Variants in L3MBTL4 observed in about 807,000 individuals in gnomAD.
L3MBTL4 encodes lethal(3)malignant brain tumor-like protein 4.
In L3MBTL4, 70 loss-of-function variants were observed where a neutral mutation model predicts 84.5. The ratio of observed to expected loss-of-function variants is 0.83; its 90% CI spans 0.68 to 1.01. The LOEUF (loss-of-function observed/expected upper bound fraction) is 1.01, where lower values mean the gene tolerates loss of function less well. Ranked by LOEUF, L3MBTL4 falls within the 50% of genes least tolerant of loss-of-function variation. The pLI, the probability that L3MBTL4 is intolerant of heterozygous loss-of-function variation, is 0.00. For missense variants in L3MBTL4, 715 were observed against 754.8 expected (o/e 0.95, Z 0.62); for synonymous variants, 274 against 259.8 (o/e 1.05, Z -0.52).
chr18:6,138,975 A>T (rs1212021789), intron 13 of L3MBTL4, among the ~76,000 whole-genome samples: 2 of 152,190 alleles, frequency 1.3e-5, no homozygotes, highest in African/African-American at 4.8e-5. Flanking sequence ...CCACTCAACC[A>T]CAGCAAGGAT....
At chr18:6,085,700 GGCCTC>G (rs1056242651) in intron 15 of L3MBTL4, among the ~76,000 whole-genome samples, 3 of 152,308 alleles carry the variant, frequency 2.0e-5, no homozygotes, top group African/African-American at 7.2e-5. Flanking sequence ...AGTTTCCTGA[GGCCTC>G]TCCAGCCATG....
At chr18:6,073,034 T>C (rs1483330795) in intron 16 of L3MBTL4, among the ~76,000 whole-genome samples, 6 of 148,600 alleles carry the variant, frequency 4.0e-5, no homozygotes, top group African/African-American at 1.2e-4. Context: ...GGCAGAAATA[T>C]AATAGCAGAA....
In L3MBTL4 at chr18:6,016,486, T is replaced by C. The variant is rs141577637; in HGVS notation, c.1445-46924A>G. Among the ~76,000 whole-genome samples the C allele has an allele frequency of 2.0e-5, 3 of 152,252 alleles. No homozygotes were observed. In the South Asian group the frequency reaches 6.2e-4, roughly 32 times the overall value. On this transcript the variant is annotated intron_variant, in intron 16 of 18. Transcript: ENST00000317931. ...AGCTCAGTATCTCTAACTCAAATAT[T>C]CTTCATAGGAATGAAACTGCAAAGA...
intron 16 of L3MBTL4, among the ~76,000 whole-genome samples, chr18:6,006,033 C>G (rs1470107759): frequency 6.6e-6 from 1 of 150,950 alleles, no homozygotes; most frequent in East Asian, 1.9e-4. Flanking sequence ...ACAGAAGACA[C>G]TGAAGCCACA....
intron 16 of L3MBTL4, among the ~76,000 whole-genome samples, chr18:6,035,950 C>T (rs935736365): frequency 3.9e-5 from 6 of 152,178 alleles, no homozygotes; most frequent in African/African-American, 1.2e-4. Context: ...ACCTCCCTTG[C>T]TTTTAAAGGA....
chr18:5,977,881 A>C (rs1302721577), intron 16 of L3MBTL4, among the ~76,000 whole-genome samples: 1 of 152,168 alleles, frequency 6.6e-6, no homozygotes, highest in Non-Finnish European at 1.5e-5. Flanking sequence ...CTGCCTCCCC[A>C]AGGCTGCCCC....
chr18:6,143,278 A>C (rs1568192948), intron 13 of L3MBTL4, among the ~76,000 whole-genome samples: 1 of 152,164 alleles, frequency 6.6e-6, no homozygotes, highest in South Asian at 2.1e-4. Context: ...ATTCTCTCCC[A>C]GGTAGAGCTG....
intron 12 of L3MBTL4, among the ~76,000 whole-genome samples, chr18:6,182,840 C>G (rs2044541640): frequency 6.6e-6 from 1 of 152,080 alleles, no homozygotes; most frequent in East Asian, 1.9e-4. Context: ...TTAGGGTTAT[C>G]AACTGACTTT....
At chr18:6,055,233 A>T (rs556723730) in intron 16 of L3MBTL4, among the ~76,000 whole-genome samples, 1 of 152,350 alleles carries the variant, frequency 6.6e-6, no homozygotes, top group African/African-American at 2.4e-5. Context: ...CTTTGGCACA[A>T]TGAAGCCCCC....
chr18:6,117,677 G>A (rs530224223), intron 14 of L3MBTL4, among the ~76,000 whole-genome samples: 8 of 152,260 alleles, frequency 5.3e-5, no homozygotes, highest in South Asian at 2.1e-4. Context: ...AAGATTTGTC[G>A]TAAAACATTT....
At chr18:6,313,521 G>A (rs961410278) in intron 1 of L3MBTL4, among the ~76,000 whole-genome samples, 2 of 152,106 alleles carry the variant, frequency 1.3e-5, no homozygotes, top group Admixed American at 6.5e-5. Context: ...CATTCATTTT[G>A]TAGAATGTAA....
At chr18:6,207,323 CA>C (rs1393133307) in intron 12 of L3MBTL4, among the ~76,000 whole-genome samples, 1 of 152,186 alleles carries the variant, frequency 6.6e-6, no homozygotes, top group Non-Finnish European at 1.5e-5. Flanking sequence ...AGAACCAGGC[CA>C]ACTGGTTCCC....
intron 16 of L3MBTL4, among the ~76,000 whole-genome samples, chr18:5,996,418 C>A (rs557566811): frequency 2.0e-5 from 3 of 152,290 alleles, no homozygotes; most frequent in African/African-American, 7.2e-5. Context: ...TGGCAGTGAG[C>A]TGTACGTTTT....
intron 16 of L3MBTL4, among the ~76,000 whole-genome samples, chr18:6,070,229 T>G (rs941725309): frequency 1.3e-5 from 2 of 152,100 alleles, no homozygotes; most frequent in Non-Finnish European, 2.9e-5. Context: ...GAGACAAATA[T>G]AAGGCACTTC....
At chr18:6,252,863 A>G (rs1026258720) in intron 5 of L3MBTL4, among the ~76,000 whole-genome samples, 10 of 152,242 alleles carry the variant, frequency 6.6e-5, no homozygotes, top group African/African-American at 1.4e-4. Flanking sequence ...ATTATTAAGA[A>G]TCTGCCATAT....
At chr18:6,333,743 T>C (rs2052174434) in intron 1 of L3MBTL4, among the ~76,000 whole-genome samples, 1 of 152,064 alleles carries the variant, frequency 6.6e-6, no homozygotes. Flanking sequence ...AAACAAGACA[T>C]CTTTTTTCTG....
chr18:6,171,950 A>G lies in L3MBTL4; in HGVS notation c.982-8T>C. 1 of 1,433,704 alleles carries G rather than the reference A, an allele frequency of 7.0e-7. No homozygotes were observed. Among genetic ancestry groups the G allele is most frequent in the Non-Finnish European group, 9.6e-7 (1 of 1,044,466 alleles). 88.8% of individuals were successfully genotyped at this position (1,433,704 alleles called of 1,614,324 possible). ...CCAACCATCAAAATGAACCTGTTAA[A>G]ACGAGTTTTGAATGATTAGCATTTA... On this transcript the variant is annotated splice_polypyrimidine_tract_variant and splice_region_variant and intron_variant, in intron 12 of 18. Transcript: ENST00000317931.
At chr18:6,293,007 A>G (rs73387619) in intron 4 of L3MBTL4, among the ~76,000 whole-genome samples, 89 of 152,162 alleles carry the variant, frequency 5.8e-4, no homozygotes, top group African/African-American at 1.9e-3. Context: ...GAAACCTCCA[A>G]CCTTCTCTTT....
At chr18:6,334,957 C>T (rs986460637) in intron 1 of L3MBTL4, among the ~76,000 whole-genome samples, 1 of 152,108 alleles carries the variant, frequency 6.6e-6, no homozygotes, top group Non-Finnish European at 1.5e-5. Flanking sequence ...AAAAATCTAA[C>T]TCTAGCAACA....
Sources: allele counts gnomAD v4.1 joint callset (sites outside exome capture counted in the v4.1 genomes callset), GRCh38; gene constraint gnomAD v4.1.1; transcripts MANE v1.5; gene names NCBI Gene and HGNC (gene_info 2026-07-23, HGNC 2026-07-21).